SYN3: variants seen among roughly 807,000 people sequenced by gnomAD.
The protein encoded by SYN3 is synapsin-3.
A neutral mutation model predicts 65.8 loss-of-function variants in SYN3; 35 were observed. The observed-to-expected ratio is 0.53, with a 90% confidence interval of 0.41 to 0.70. The LOEUF (loss-of-function observed/expected upper bound fraction) is 0.70. Among genes scored for constraint, SYN3 ranks in the 30% least tolerant of loss-of-function variants. The probability of loss-of-function intolerance (pLI) is 0.00; values close to 1 mark genes in which losing one functional copy is unlikely to be tolerated. For synonymous variants in SYN3, 270 were observed against 292.9 expected (o/e 0.92, Z 0.80); for missense variants, 680 against 749.0 (o/e 0.91, Z 1.08).
chr22:33,003,763 C>T lies in SYN3; in HGVS notation c.311+2589G>A, dbSNP rs567354017. On this transcript the variant is annotated intron_variant, in intron 2 of 13. Transcript: ENST00000358763. ...GAAATTTGCATAAGTAACAAGGAGC[C>T]GAATGTTTATTACCAAGACAATGGG... Among the ~76,000 whole-genome samples, 8 of 152,264 alleles carry T rather than the reference C, an allele frequency of 5.3e-5. No homozygotes were observed. The South Asian group carries it at 1.2e-3, about 24-fold the overall frequency.
At chr22:32,818,567 G>A (rs2047148666) in intron 6 of SYN3, among the ~76,000 whole-genome samples, 1 of 152,192 alleles carries the variant, frequency 6.6e-6, no homozygotes, top group African/African-American at 2.4e-5. Context: ...AAGGAGGAAA[G>A]GAAACAGAAG....
chr22:32,768,473 C>T (rs1361186430), intron 6 of SYN3, among the ~76,000 whole-genome samples: 1 of 152,092 alleles, frequency 6.6e-6, no homozygotes, highest in Non-Finnish European at 1.5e-5. Flanking sequence ...GTTCAATCGC[C>T]ACCTCTTTGC....
intron 4 of SYN3, among the ~76,000 whole-genome samples, chr22:32,890,187 T>C (rs2049406220): frequency 6.9e-6 from 1 of 145,064 alleles, no homozygotes; most frequent in South Asian, 2.3e-4. Context: ...CAAGCAATCC[T>C]CTCACCTCGG....
chr22:32,796,741 A>T (rs2046437554), intron 6 of SYN3, among the ~76,000 whole-genome samples: 1 of 152,100 alleles, frequency 6.6e-6, no homozygotes, highest in Admixed American at 6.6e-5. Flanking sequence ...GGAGGGGAAG[A>T]GGGAGGAAAG....
At chr22:32,708,259 CGGT>C (rs1289411874) in intron 6 of SYN3, among the ~76,000 whole-genome samples, 1 of 152,138 alleles carries the variant, frequency 6.6e-6, no homozygotes, top group African/African-American at 2.4e-5. Flanking sequence ...TGTTTAGAAA[CGGT>C]GGTGCGTGGG....
chr22:32,827,806 C>T (rs2047456181), intron 6 of SYN3, among the ~76,000 whole-genome samples: 1 of 152,194 alleles, frequency 6.6e-6, no homozygotes, highest in African/African-American at 2.4e-5. Context: ...TCCTCAAATG[C>T]TCCAGGCTCC....
At chr22:32,986,161 A>G (rs2052520960) in intron 2 of SYN3, among the ~76,000 whole-genome samples, 1 of 152,188 alleles carries the variant, frequency 6.6e-6, no homozygotes, top group South Asian at 2.1e-4. Context: ...CTGACCGGGT[A>G]AGGAAATACT....
intron 7 of SYN3, among the ~76,000 whole-genome samples, chr22:32,549,660 A>G (rs2058383339): frequency 2.0e-5 from 3 of 152,238 alleles, no homozygotes; most frequent in Non-Finnish European, 1.5e-5. Context: ...GCATTTTGAG[A>G]GGCCAAAGTG....
intron 4 of SYN3, among the ~76,000 whole-genome samples, chr22:32,926,552 C>A (rs777004454): frequency 2.0e-5 from 3 of 152,156 alleles, no homozygotes; most frequent in Non-Finnish European, 1.5e-5. Context: ...TTCCCCCAGA[C>A]ATTAATGCAG....
In SYN3 at chr22:32,656,825, C is replaced by T. The variant is rs1002302258; in HGVS notation, c.712-60089G>A. 2.2e-4 allele frequency among the ~76,000 whole-genome samples: 33 copies of T among 151,994 alleles called. 1 individual carries two copies. Among genetic ancestry groups the T allele is most frequent in the Non-Finnish European group, 4.3e-4 (29 of 68,026 alleles). ...AGACGGGATGTAGGGACGTCCATACCAGAGACAACAAAGAAGAAAGCTTTT... is the reference window on the plus strand; with the variant it reads ...AGACGGGATGTAGGGACGTCCATACTAGAGACAACAAAGAAGAAAGCTTTT... On this transcript the variant is annotated intron_variant, in intron 6 of 13. Transcript: ENST00000358763.
chr22:33,006,641 G>A lies in SYN3; in HGVS notation c.22C>T (p.Leu8Phe), dbSNP rs1390050568. The A allele has an allele frequency of 6.3e-7, 1 of 1,584,612 alleles. No homozygotes were observed. The change falls in exon 2 of 14, where the codon CTC (leucine) becomes TTC (phenylalanine). Residue 8 changes from leucine to phenylalanine, a missense_variant. Coordinates refer to ENST00000358763, the MANE Select transcript of SYN3 (RefSeq NM_003490.4). MNFLRRR[L>F]SDSSFMANLP... ...TTGGCCATGAAGCTGCTGTCAGAGAGACGTCGCCGGAGGAAATTCATGGCT... is the reference window on the plus strand; with the variant it reads ...TTGGCCATGAAGCTGCTGTCAGAGAAACGTCGCCGGAGGAAATTCATGGCT...
chr22:32,601,058 GC>G (rs2146616041), intron 6 of SYN3, among the ~76,000 whole-genome samples: 1 of 152,270 alleles, frequency 6.6e-6, no homozygotes, highest in East Asian at 1.9e-4. Flanking sequence ...TATTTGAACG[GC>G]ATGTCCTTCT....
chr22:32,649,292 CA>C (rs1569123578), intron 6 of SYN3, among the ~76,000 whole-genome samples: 3 of 152,302 alleles, frequency 2.0e-5, no homozygotes. Context: ...CTAGAGCAGC[CA>C]ATTCCCATCT....
At chr22:32,624,844 A>G (rs1940048663) in intron 6 of SYN3, among the ~76,000 whole-genome samples, 2 of 152,198 alleles carry the variant, frequency 1.3e-5, no homozygotes, top group Non-Finnish European at 1.5e-5. Flanking sequence ...TCTCAGGGGT[A>G]TTCTAGTCCT....
intron 3 of SYN3, among the ~76,000 whole-genome samples, chr22:32,973,699 G>A (rs750309978): frequency 1.3e-5 from 2 of 152,178 alleles, no homozygotes; most frequent in African/African-American, 2.4e-5. Context: ...ACAGAAACCT[G>A]GGTTCAGATT....
chr22:32,516,756 C>G (rs1226872745), intron 13 of SYN3, among the ~76,000 whole-genome samples: 2 of 152,142 alleles, frequency 1.3e-5, no homozygotes, highest in Non-Finnish European at 1.5e-5. Flanking sequence ...TGTCGTGGGT[C>G]TAATCCCAGC....
chr22:32,671,695 T>G (rs1463810874), intron 6 of SYN3, among the ~76,000 whole-genome samples: 1 of 139,974 alleles, frequency 7.1e-6, no homozygotes, highest in Non-Finnish European at 1.5e-5. Flanking sequence ...ACACACACGC[T>G]GTCACACAGG....
At chr22:32,928,194 G>C (rs1199437585) in intron 4 of SYN3, among the ~76,000 whole-genome samples, 1 of 152,174 alleles carries the variant, frequency 6.6e-6, no homozygotes, top group Non-Finnish European at 1.5e-5. Flanking sequence ...GCTGGGCATG[G>C]TGGTGGGCGC....
intron 4 of SYN3, among the ~76,000 whole-genome samples, chr22:32,876,235 C>A (rs2048978053): frequency 1.3e-5 from 2 of 152,202 alleles, no homozygotes; most frequent in African/African-American, 4.8e-5. Flanking sequence ...TCTCTGGGGT[C>A]CCTTTTCAAG....
Sources: allele counts gnomAD v4.1 joint callset (sites outside exome capture counted in the v4.1 genomes callset), GRCh38; gene constraint gnomAD v4.1.1; transcripts MANE v1.5; gene names NCBI Gene and HGNC (gene_info 2026-07-23, HGNC 2026-07-21).